EYA4: variants seen among roughly 807,000 people sequenced by gnomAD.
EYA4 encodes protein phosphatase EYA4.
In EYA4, 31 loss-of-function variants were observed where a neutral mutation model predicts 87.9. The ratio of observed to expected loss-of-function variants is 0.35; its 90% CI spans 0.27 to 0.48. The LOEUF (loss-of-function observed/expected upper bound fraction) is 0.48, where lower values mean the gene tolerates loss of function less well. Ranked by LOEUF, EYA4 falls within the 20% of genes least tolerant of loss-of-function variation. The pLI is 0.99. For missense variants in EYA4, 678 were observed against 761.4 expected (o/e 0.89, Z 1.29); for synonymous variants, 263 against 270.6 (o/e 0.97, Z 0.28).
intron 17 of EYA4, among the ~76,000 whole-genome samples, chr6:133,516,452 C>T (rs937544074): frequency 1.3e-5 from 2 of 151,978 alleles, no homozygotes; most frequent in African/African-American, 2.4e-5. Context: ...GTGGCTCATG[C>T]CTATAATCCC....
Position 133,497,556 on chromosome 6 carries a change from A to G in EYA4, c.1192-8550A>G, listed in dbSNP as rs562206850. Among the ~76,000 whole-genome samples the G allele has an allele frequency of 5.9e-5, 9 of 152,270 alleles. No homozygotes were observed. The South Asian group carries it at 1.7e-3, about 28-fold the overall frequency. ...TGATGGGTTTTGCAGCTGAGCACCA[A>G]TTGCAATGTACAGTGTCTGTGCTGC... is the stretch of plus-strand genomic sequence containing the variant. On this transcript the variant is annotated intron_variant, in intron 13 of 19. Transcript: ENST00000355286.
Position 133,523,130 on chromosome 6 carries a change from T to C in EYA4, c.1691T>C (p.Leu564Ser). ...PALAKVLLYS[L>S]GGAFPIENIY... The stretch of plus-strand genomic sequence containing the variant: ...CTTGCGAAGGTTCTACTCTATAGTT[T>C]AGGAGGTGCTTTCCCCATTGAGAAT... Residue 564 changes from leucine to serine, a missense_variant, in exon 18 of 20, where the codon TTA becomes TCA. Transcript: ENST00000355286. 2 of 1,612,452 alleles carry C rather than the reference T, an allele frequency of 1.2e-6. No individual in the cohort carries two copies. The highest frequency in any genetic ancestry group is 1.7e-4 in the Middle Eastern group (1 of 6,050).
At chr6:133,397,795 T>C (rs948919576) in intron 3 of EYA4, among the ~76,000 whole-genome samples, 1 of 152,160 alleles carries the variant, frequency 6.6e-6, no homozygotes, top group Non-Finnish European at 1.5e-5. Context: ...ATGTGTCACA[T>C]GGGGGCCGAC....
At chr6:133,464,738 C>A in intron 9 of EYA4, 41 bp from the exon 10 acceptor site, 3 of 1,184,724 alleles carry the variant, frequency 2.5e-6, no homozygotes, top group Non-Finnish European at 3.8e-6. Context: ...TATCATTTTA[C>A]AAGGAATACT....
chr6:133,337,062 G>C (rs1782421102), intron 2 of EYA4, among the ~76,000 whole-genome samples: 1 of 152,156 alleles, frequency 6.6e-6, no homozygotes, highest in Admixed American at 6.5e-5. Flanking sequence ...AATTCTCCAG[G>C]TTCTGAATAC....
rs577973710 is a variant in EYA4 at position 133,287,974 on chromosome 6, C to G, written c.33+13161C>G. Among the ~76,000 whole-genome samples, 49 of 152,100 alleles carry G rather than the reference C, an allele frequency of 3.2e-4. 1 individual carries two copies. In the South Asian group the frequency reaches 1.0e-2, roughly 31 times the overall value. ...TGAAACCCCATCTCTACTAAAAATA[C>G]GAAAATTAGCCGGGTGTGGGGGCAC... is the stretch of plus-strand genomic sequence containing the variant. On this transcript the variant is annotated intron_variant, in intron 2 of 19. Coordinates refer to ENST00000355286, the MANE Select transcript of EYA4 (RefSeq NM_004100.5).
chr6:133,483,713 ATTATTATTATTATT>A (rs1007266292), intron 13 of EYA4, among the ~76,000 whole-genome samples: 3 of 105,168 alleles, frequency 2.9e-5, no homozygotes, highest in Non-Finnish European at 4.0e-5. Context: ...TATTATTATT[ATTATTATTATTATT>A]ATTATTATTA....
chr6:133,366,596 A>G (rs1424915494), intron 2 of EYA4, among the ~76,000 whole-genome samples: 1 of 152,244 alleles, frequency 6.6e-6, no homozygotes, highest in Non-Finnish European at 1.5e-5. Context: ...CAGCCTTAAT[A>G]GGCAAAGAAG....
intron 3 of EYA4, among the ~76,000 whole-genome samples, chr6:133,389,319 C>G (rs1207209951): frequency 6.6e-6 from 1 of 152,146 alleles, no homozygotes; most frequent in Non-Finnish European, 1.5e-5. Context: ...CCTATCCAGC[C>G]AACTAGTCCA....
intron 3 of EYA4, among the ~76,000 whole-genome samples, chr6:133,384,371 C>T (rs1347942390): frequency 1.3e-5 from 2 of 152,080 alleles, no homozygotes; most frequent in Non-Finnish European, 2.9e-5. Context: ...AACTGTCTCT[C>T]TAAATGGAAA....
chr6:133,394,108 T>C (rs1231059864), intron 3 of EYA4, among the ~76,000 whole-genome samples: 3 of 152,170 alleles, frequency 2.0e-5, no homozygotes, highest in African/African-American at 7.2e-5. Context: ...TGTTTATGAA[T>C]TTCTATCACC....
intron 19 of EYA4, among the ~76,000 whole-genome samples, chr6:133,525,569 A>G (rs1800569763): frequency 6.6e-6 from 1 of 152,182 alleles, no homozygotes; most frequent in East Asian, 1.9e-4. Flanking sequence ...ATATAGATGC[A>G]TATGTATATA....
chr6:133,446,551 C>A, intron 3 of EYA4, 79 bp from the exon 4 acceptor site: 1 of 1,502,234 alleles, frequency 6.7e-7, no homozygotes, highest in South Asian at 1.1e-5. Flanking sequence ...ATCACGTGGT[C>A]AATAGAATAA....
At chr6:133,407,107 A>G (rs1788771128) in intron 3 of EYA4, among the ~76,000 whole-genome samples, 1 of 152,152 alleles carries the variant, frequency 6.6e-6, no homozygotes, top group Admixed American at 6.6e-5. Flanking sequence ...AAACTTTGAG[A>G]TCAAGTTTTT....
chr6:133,516,757 A>T (rs958803000), intron 17 of EYA4, among the ~76,000 whole-genome samples: 1 of 151,626 alleles, frequency 6.6e-6, no homozygotes, highest in Non-Finnish European at 1.5e-5. Flanking sequence ...GATTAATGAG[A>T]ACGTGCAGTA....
chr6:133,282,797 C>T (rs1582840013), intron 2 of EYA4, among the ~76,000 whole-genome samples: 1 of 152,230 alleles, frequency 6.6e-6, no homozygotes, highest in East Asian at 1.9e-4. Flanking sequence ...TGTGATTTGC[C>T]ATGGACTTGG....
intron 1 of EYA4, among the ~76,000 whole-genome samples, chr6:133,260,859 A>G (rs553215669): frequency 3.9e-5 from 6 of 152,108 alleles, no homozygotes; most frequent in African/African-American, 1.4e-4. Context: ...AAATGTGACA[A>G]ACTTTTTAGA....
intron 3 of EYA4, among the ~76,000 whole-genome samples, chr6:133,400,238 G>A (rs1402525624): frequency 3.3e-5 from 5 of 152,174 alleles, no homozygotes; most frequent in Non-Finnish European, 4.4e-5. Flanking sequence ...GGTGGGGCGT[G>A]GTGGCTCATG....
At chr6:133,280,886 C>A (rs1444737019) in intron 2 of EYA4, among the ~76,000 whole-genome samples, 1 of 152,152 alleles carries the variant, frequency 6.6e-6, no homozygotes, top group Non-Finnish European at 1.5e-5. Context: ...ATGAGCACCC[C>A]TCAGCCCTAG....
Sources: gnomAD v4.1 joint callset for allele counts (sites outside exome capture counted in the v4.1 genomes callset) on GRCh38, gnomAD v4.1.1 for gene constraint, MANE v1.5 for transcripts, NCBI Gene and HGNC (gene_info 2026-07-23, HGNC 2026-07-21) for gene names.